The following SESN2 variants were observed in gnomAD, a reference collection of about 807,000 sequenced individuals.
SESN2 encodes sestrin 2, also known as sestrin-2.
SESN2 carries 42 observed loss-of-function variants against 56.0 expected under a neutral mutation model. That is an observed-to-expected ratio of 0.75 (90% CI 0.59 to 0.97). The LOEUF is 0.97. Among genes scored for constraint, SESN2 ranks in the 50% least tolerant of loss-of-function variants. The pLI is 0.00. For synonymous variants in SESN2, 264 were observed against 267.1 expected (o/e 0.99, Z 0.11); for missense variants, 507 against 649.4 (o/e 0.78, Z 2.38).
chr1:28,272,180 T>C (rs959492856), intron 3 of SESN2, 104 bp from the exon 4 acceptor site: 72 of 1,220,362 alleles, frequency 5.9e-5, no homozygotes, highest in Non-Finnish European at 8.3e-5. Flanking sequence ...TTCCTGCCTC[T>C]TGGGGAACAG....
At chr1:28,268,674 AAAG>A (rs948936800) in intron 1 of SESN2, among the ~76,000 whole-genome samples, 3 of 151,892 alleles carry the variant, frequency 2.0e-5, no homozygotes, top group South Asian at 2.1e-4. Flanking sequence ...TCAAAAAAAA[AAAG>A]AAGCAAAAGA....
At chr1:28,263,858 C>G (rs1647466391) in intron 1 of SESN2, among the ~76,000 whole-genome samples, 1 of 152,082 alleles carries the variant, frequency 6.6e-6, no homozygotes, top group African/African-American at 2.4e-5. Flanking sequence ...CGCCCCAAAA[C>G]AGATGAAAAT....
intron 8 of SESN2, among the ~76,000 whole-genome samples, chr1:28,277,205 CT>C (rs35636614): frequency 0.73 from 95,977 of 132,340 alleles, 34,262 homozygotes; most frequent in African/African-American, 0.8. Context: ...CTGCGCCTGG[CT>C]TTTTTTTTTT....
At chr1:28,272,263 C>T (rs748804641) in intron 3 of SESN2, 21 bp from the exon 4 acceptor site, 40 of 1,611,388 alleles carry the variant, frequency 2.5e-5, no homozygotes, top group Non-Finnish European at 3.3e-5. Flanking sequence ...GTGACTCAGG[C>T]TGTGTCCACT....
At chr1:28,260,050 C>A in intron 1 of SESN2, 113 bp downstream of exon 1, 2 of 769,598 alleles carry the variant, frequency 2.6e-6, no homozygotes, top group African/African-American at 1.8e-5. Flanking sequence ...GAAAGCCGAG[C>A]GCGTAACCCG....
At chr1:28,272,015 TTTTG>T in intron 3 of SESN2, 144 bp downstream of exon 3, 1 of 917,154 alleles carries the variant, frequency 1.1e-6, no homozygotes, top group East Asian at 2.6e-5. Context: ...GTTTTGGGTT[TTTTG>T]TTTTTATTTT....
intron 1 of SESN2, among the ~76,000 whole-genome samples, chr1:28,267,053 C>T (rs2149037037): frequency 6.6e-6 from 1 of 152,274 alleles, no homozygotes; most frequent in East Asian, 1.9e-4. Context: ...AGTTTTGCTC[C>T]ACCCTACCCT....
At chr1:28,270,481 C>G (rs550210967) in intron 2 of SESN2, among the ~76,000 whole-genome samples, 13 of 152,110 alleles carry the variant, frequency 8.5e-5, no homozygotes, top group Admixed American at 6.6e-4. Context: ...AAATATAAGG[C>G]GAACAACCAC....
At chr1:28,271,002 T>G (rs564737059) in intron 2 of SESN2, among the ~76,000 whole-genome samples, 1 of 152,266 alleles carries the variant, frequency 6.6e-6, no homozygotes, top group Admixed American at 6.5e-5. Context: ...GACAACATAG[T>G]GGGACCCCGT....
intron 2 of SESN2, among the ~76,000 whole-genome samples, chr1:28,271,453 A>G (rs1407642363): frequency 6.6e-6 from 1 of 152,248 alleles, no homozygotes; most frequent in African/African-American, 2.4e-5. Flanking sequence ...TGCTTGGCAC[A>G]TAGCATTGTA....
intron 7 of SESN2, 66 bp from the exon 8 acceptor site, chr1:28,274,759 G>GA: frequency 7.8e-7 from 1 of 1,279,858 alleles, no homozygotes; most frequent in Non-Finnish European, 1.1e-6. Context: ...CAGGTCCAGA[G>GA]GATGGGGGTC....
At chr1:28,271,939 T>C (rs1488039107) in intron 3 of SESN2, 68 bp downstream of exon 3, 4 of 1,455,242 alleles carry the variant, frequency 2.7e-6, no homozygotes, top group African/African-American at 1.4e-5. Context: ...TGATCTCTTT[T>C]CTGGGAGCTT....
intron 3 of SESN2, 148 bp from the exon 4 acceptor site, chr1:28,272,136 T>C: frequency 2.4e-6 from 2 of 844,234 alleles, no homozygotes; most frequent in Non-Finnish European, 3.7e-6. Flanking sequence ...GCCTGCAAGC[T>C]GGTGGCAGAG....
At chr1:28,271,454 T>G (rs1647772914) in intron 2 of SESN2, among the ~76,000 whole-genome samples, 1 of 152,258 alleles carries the variant, frequency 6.6e-6, no homozygotes, top group South Asian at 2.1e-4. Context: ...GCTTGGCACA[T>G]AGCATTGTAT....
rs769060746 is a variant in SESN2, at chr1:28,259,876, C to T, written c.29C>T (p.Ala10Val). The T allele has an allele frequency of 1.4e-6, 2 of 1,419,618 alleles. No homozygotes were observed. The highest frequency in any genetic ancestry group is 1.5e-5 in the African/African-American group (1 of 66,218). The allele number at this position is 1,419,618 out of a possible 1,614,324, so 87.9% of individuals were successfully genotyped here. A position where few individuals can be genotyped will look rare whatever the true frequency, so the allele number is the denominator to read the frequency against. The change falls in exon 1 of 10, where the codon GCA becomes GTA. Residue 10 changes from alanine to valine, a missense_variant. Coordinates refer to ENST00000253063, the MANE Select transcript of SESN2 (RefSeq NM_031459.5). Reference sequence around the variant, plus strand: ...ATCGTGGCGGACTCCGAGTGCCGCGCAGAGCTCAAGGACTACCTGCGGTTC... The same window carrying T: ...ATCGTGGCGGACTCCGAGTGCCGCGTAGAGCTCAAGGACTACCTGCGGTTC... MIVADSECR[A>V]ELKDYLRFAP...
rs1443588076 is a variant in SESN2 at position 28,260,866 on chromosome 1, A to C, written c.90+929A>C. Among the ~76,000 whole-genome samples the C allele has an allele frequency of 2.0e-5, 3 of 152,048 alleles. No homozygotes were observed. The East Asian group carries it at 5.8e-4, about 29-fold the overall frequency. On this transcript the variant is annotated intron_variant, in intron 1 of 9. Coordinates refer to ENST00000253063, the MANE Select transcript of SESN2 (RefSeq NM_031459.5). ...ATTTATTATGCACCTACTAGATACCAGGCTCTGAGTTTTTTTCGCCTTTAA... is the reference window on the plus strand; with the variant it reads ...ATTTATTATGCACCTACTAGATACCCGGCTCTGAGTTTTTTTCGCCTTTAA...
At position 28,266,712 on chromosome 1, in the gene SESN2, T is replaced by C. The variant is rs183325513; in HGVS notation, c.91-2471T>C. On this transcript the variant is annotated intron_variant, in intron 1 of 9. Coordinates refer to ENST00000253063, the MANE Select transcript of SESN2 (RefSeq NM_031459.5). The stretch of plus-strand genomic sequence containing the variant: ...GTAGCTGGGACTACAGGTTGTGTGC[T>C]ACCATGCCCAGCTAATTTACTGTTT... Among the ~76,000 whole-genome samples the C allele has an allele frequency of 2.1e-3, 327 of 152,126 alleles. 1 individual carries two copies. The highest frequency in any genetic ancestry group is 7.5e-3 in the African/African-American group (310 of 41,512).
chr1:28,272,723 C>T lies in SESN2; in HGVS notation c.680C>T (p.Ala227Val), dbSNP rs763645640. ...GAGGGGGATGCAGATGGCAGCCCTG[C>T]CCCCCAGGCACCTACACCCCCTAGT... Reference protein sequence around the residue: ...LPEGDADGSPAPQAPTPPSEQ... With the variant: ...LPEGDADGSPVPQAPTPPSEQ... The change falls in exon 5 of 10, where the codon GCC (alanine) becomes GTC (valine). Residue 227 changes from alanine to valine, a missense_variant. Ala to Val is a moderately conservative substitution (Grantham distance 64). Coordinates refer to ENST00000253063, the MANE Select transcript of SESN2 (RefSeq NM_031459.5). 5 of 1,610,764 alleles carry T rather than the reference C, an allele frequency of 3.1e-6. No homozygotes were observed. The highest frequency in any genetic ancestry group is 4.5e-5 in the East Asian group (2 of 44,868).
rs1009326623 is a variant in SESN2 at position 28,281,473 on chromosome 1, C to T, written c.*671C>T. On this transcript the variant is annotated 3_prime_UTR_variant, in exon 10 of 10. Transcript: ENST00000253063. ...CATAAAAAAAAAAAAAGCAGATTAT[C>T]TCTAGAGAGTTTGAGCCTTTGCTGG... 1.3e-5 allele frequency: 2 copies of T among 151,122 alleles called. No homozygotes were observed. Among genetic ancestry groups the T allele is most frequent in the African/African-American group, 4.9e-5 (2 of 41,174 alleles). 9.4% of individuals were successfully genotyped at this position (151,122 alleles called of 1,614,324 possible). A position where few individuals can be genotyped will look rare whatever the true frequency, so the allele number is the denominator to read the frequency against.
Sources: allele counts gnomAD v4.1 joint callset (sites outside exome capture counted in the v4.1 genomes callset), GRCh38; gene constraint gnomAD v4.1.1; transcripts MANE v1.5; gene names NCBI Gene and HGNC (gene_info 2026-07-23, HGNC 2026-07-21).